ATN1: variants seen among roughly 807,000 people sequenced by gnomAD.
ATN1 encodes atrophin 1.
In ATN1, 19 loss-of-function variants were observed where a neutral mutation model predicts 85.8. The ratio of observed to expected loss-of-function variants is 0.22; its 90% CI spans 0.15 to 0.32. ATN1 has a LOEUF of 0.32. Among genes scored for constraint, ATN1 ranks in the 10% least tolerant of loss-of-function variants. The probability of loss-of-function intolerance (pLI) is 1.00; values close to 1 mark genes in which losing one functional copy is unlikely to be tolerated. For synonymous variants in ATN1, 674 were observed against 657.0 expected, an observed-to-expected ratio of 1.03 and a Z score of -0.39; for missense variants, 1,453 against 1,564.5, an observed-to-expected ratio of 0.93 and a Z score of 1.20.
Position 6,941,861 on chromosome 12 carries a change from T to A in ATN1, c.*81T>A. 1 of 1,442,240 alleles carries A rather than the reference T, an allele frequency of 6.9e-7. No homozygotes were observed. The highest frequency in any genetic ancestry group is 1.2e-5 in the South Asian group (1 of 86,920). 89.3% of individuals were successfully genotyped at this position (1,442,240 alleles called of 1,614,324 possible). A position where few individuals can be genotyped will look rare whatever the true frequency, so the allele number is the denominator to read the frequency against. ...CCCTCCCCCCACCGTGCCCTTGGCC[T>A]GCCACCCAGAGCCAAGAGGGTGCTG... is the stretch of plus-strand genomic sequence containing the variant. On this transcript the variant is annotated 3_prime_UTR_variant, in exon 10 of 10. Transcript: ENST00000396684. This position sits in a 1 kb window ranked among gnomAD's most constrained non-coding sequence, Gnocchi z 5.9.
chr12:6,925,111 CGTGTGCGT>C (rs1307513003), upstream of ATN1, among the ~76,000 whole-genome samples: 3 of 105,014 alleles, frequency 2.9e-5, no homozygotes, highest in African/African-American at 1.3e-4. Flanking sequence ...TGTGTGTGTG[CGTGTGCGT>C]GTGTGTGTGT....
In ATN1 at chr12:6,937,669, A is replaced by G; in HGVS notation, c.2294+108A>G. ...GCCTTGCGCTGGTGTAGTGTTTTAGAAAAGCACGCCCCTCTCCTCCGTCCA... is the reference window on the plus strand; with the variant it reads ...GCCTTGCGCTGGTGTAGTGTTTTAGGAAAGCACGCCCCTCTCCTCCGTCCA... On this transcript the variant is annotated intron_variant, in intron 5 of 9. Coordinates refer to ENST00000396684, the MANE Select transcript of ATN1 (RefSeq NM_001940.4). The surrounding 1 kb of genome is among the most constrained non-coding windows in gnomAD (Gnocchi z 6.0). 3 of 1,429,538 alleles carry G rather than the reference A, an allele frequency of 2.1e-6. No individual in the cohort carries two copies. Among genetic ancestry groups the G allele is most frequent in the Non-Finnish European group, 2.8e-6 (3 of 1,090,254 alleles). The allele number at this position is 1,429,538 out of a possible 1,614,324, so 88.6% of individuals were successfully genotyped here.
chr12:6,935,492 AT>A lies in ATN1; in HGVS notation c.280-54del. The stretch of plus-strand genomic sequence containing the variant: ...ATGATTTTATGCAAGAGAGCCCCAA[AT>A]CTCAGGGAAGCAGGAAAGGAAAAGA... On this transcript the variant is annotated intron_variant, in intron 4 of 9. Coordinates refer to ENST00000396684, the MANE Select transcript of ATN1 (RefSeq NM_001940.4). The surrounding 1 kb of genome is among the most constrained non-coding windows in gnomAD (Gnocchi z 5.3). 2 of 1,575,214 alleles carry A rather than the reference AT, an allele frequency of 1.3e-6. No homozygotes were observed. Among genetic ancestry groups the A allele is most frequent in the Non-Finnish European group, 8.6e-7 (1 of 1,160,776 alleles).
Position 6,935,281 on chromosome 12 carries a change from G to C in ATN1, c.280-266G>C, listed in dbSNP as rs149458033. ...AAGACAGGGAGTTGGAGTCAGCTGT[G>C]GGTAGAGACAAGGTGCTTGAGATGG... On this transcript the variant is annotated intron_variant, in intron 4 of 9. Coordinates refer to ENST00000396684, the MANE Select transcript of ATN1 (RefSeq NM_001940.4). This position sits in a 1 kb window ranked among gnomAD's most constrained non-coding sequence, Gnocchi z 5.3. Among the ~76,000 whole-genome samples, 1 of 152,242 alleles carries C rather than the reference G, an allele frequency of 6.6e-6. No homozygotes were observed. Among genetic ancestry groups the C allele is most frequent in the Non-Finnish European group, 1.5e-5 (1 of 68,016 alleles).
chr12:6,932,979 A>G (rs1555143187), intron 1 of ATN1, among the ~76,000 whole-genome samples: 1 of 152,218 alleles, frequency 6.6e-6, no homozygotes, highest in African/African-American at 2.4e-5. Flanking sequence ...TAGAAGAAAG[A>G]GCATGGGCTT....
chr12:6,927,015 A>G (rs1183896111), upstream of ATN1, among the ~76,000 whole-genome samples: 1 of 151,526 alleles, frequency 6.6e-6, no homozygotes, highest in African/African-American at 2.4e-5. Flanking sequence ...TTTCCCTAGA[A>G]TTGGCACCTG....
In ATN1 at chr12:6,934,397, T is replaced by A. The variant is rs1406077930; in HGVS notation, c.166-68T>A. ...GTGTGTTGTGGGGGAACTTCCTGTT[T>A]GGCAGAGGGTAACGGTGGAGCTCGG... On this transcript the variant is annotated intron_variant, in intron 3 of 9. Coordinates refer to ENST00000396684, the MANE Select transcript of ATN1 (RefSeq NM_001940.4). This position sits in a 1 kb window ranked among gnomAD's most constrained non-coding sequence, Gnocchi z 4.5. 30 of 1,604,720 alleles carry A rather than the reference T, an allele frequency of 1.9e-5. No individual in the cohort carries two copies. The highest frequency in any genetic ancestry group is 2.5e-5 in the Non-Finnish European group (29 of 1,174,940).
intron 1 of ATN1, among the ~76,000 whole-genome samples, chr12:6,930,316 G>A (rs1555142943): frequency 6.6e-6 from 1 of 152,198 alleles, no homozygotes; most frequent in Non-Finnish European, 1.5e-5. Flanking sequence ...GAATGATGTT[G>A]GGGGCTGGGC....
Position 6,939,318 on chromosome 12 carries a change from C to T in ATN1, c.3214+141C>T, listed in dbSNP as rs1375747255. Reference sequence around the variant, plus strand: ...CTGAGATTGCTGCCCTGAACTTTGCCTCCCTGACGTTCTCTCAGCCTTGTC... The same window carrying T: ...CTGAGATTGCTGCCCTGAACTTTGCTTCCCTGACGTTCTCTCAGCCTTGTC... On this transcript the variant is annotated intron_variant, in intron 7 of 9. Transcript: ENST00000396684. 4.8e-6 allele frequency: 6 copies of T among 1,255,682 alleles called. No homozygotes were observed. The Admixed American group carries it at 1.7e-4, about 35-fold the overall frequency. 77.8% of individuals were successfully genotyped at this position (1,255,682 alleles called of 1,614,324 possible). A position where few individuals can be genotyped will look rare whatever the true frequency, so the allele number is the denominator to read the frequency against.
Position 6,935,998 on chromosome 12 carries a change from TG to T in ATN1, c.737del (p.Gly246AlafsTer52). ...AAGGGGGGAGGGGCTGCCTCATCAGTGGGGGGCCCTAATGGGGGTAAGCAGC... is the reference window on the plus strand; with the variant it reads ...AAGGGGGGAGGGGCTGCCTCATCAGTGGGGGCCCTAATGGGGGTAAGCAGC... The part of the protein sequence containing the change: ...GPKGGGAASS[V>X]GGPNGGKQHP... On this transcript the variant is annotated frameshift_variant, in exon 5 of 10. Transcript: ENST00000396684. LOFTEE classifies it high-confidence loss of function. The surrounding 1 kb of genome is among the most constrained non-coding windows in gnomAD (Gnocchi z 5.3). The T allele has an allele frequency of 1.9e-6, 3 of 1,588,884 alleles. No homozygotes were observed. The highest frequency in any genetic ancestry group is 1.8e-5 in the Admixed American group (1 of 56,826).
At position 6,941,810 on chromosome 12, in the gene ATN1, C is replaced by T. The variant is rs1402033234; in HGVS notation, c.*30C>T. The T allele has an allele frequency of 3.1e-6, 5 of 1,612,782 alleles. No homozygotes were observed. Among genetic ancestry groups the T allele is most frequent in the Non-Finnish European group, 4.2e-6 (5 of 1,178,818 alleles). On this transcript the variant is annotated 3_prime_UTR_variant, in exon 10 of 10. Transcript: ENST00000396684. This position sits in a 1 kb window ranked among gnomAD's most constrained non-coding sequence, Gnocchi z 5.9. ...TGCGATCAAGAGAGCACCATGGCTC[C>T]TACATTGGACCTTGGAGCACCCCCA...
upstream of ATN1, among the ~76,000 whole-genome samples, chr12:6,926,505 C>T (rs1005895957): frequency 1.3e-5 from 2 of 150,360 alleles, no homozygotes; most frequent in East Asian, 2.0e-4. Context: ...GACGGCGTCT[C>T]GCTCTGTCTC....
intron 1 of ATN1, among the ~76,000 whole-genome samples, chr12:6,933,297 A>G (rs1197395829): frequency 6.6e-6 from 1 of 151,634 alleles, no homozygotes; most frequent in Non-Finnish European, 1.5e-5. Context: ...GCTCACTGCA[A>G]CCTCTGCCTC....
Position 6,941,169 on chromosome 12 carries a change from C to CTCCTA in ATN1, c.3358+147_3358+148insCCTAT. 7.9e-7 allele frequency: 1 copy of CTCCTA among 1,261,100 alleles called. No homozygotes were observed. The highest frequency in any genetic ancestry group is 1.1e-6 in the Non-Finnish European group (1 of 927,290). The allele number at this position is 1,261,100 out of a possible 1,614,324, so 78.1% of individuals were successfully genotyped here. A position where few individuals can be genotyped will look rare whatever the true frequency, so the allele number is the denominator to read the frequency against. On this transcript the variant is annotated intron_variant, in intron 8 of 9. Transcript: ENST00000396684. This position sits in a 1 kb window ranked among gnomAD's most constrained non-coding sequence, Gnocchi z 5.9. ...GCATGGGAATAGGAGAGCTGGAGCT[C>CTCCTA]TGCCCAAGAGAAGCACGAGTTTTAG... is the stretch of plus-strand genomic sequence containing the variant.
At chr12:6,938,428 C>T in intron 6 of ATN1, 53 bp from the exon 7 acceptor site, 1 of 1,542,284 alleles carries the variant, frequency 6.5e-7, no homozygotes, top group Non-Finnish European at 8.8e-7. Context: ...TTAAAACCAG[C>T]CACCTCTTTT....
chr12:6,937,878 G>A lies in ATN1; in HGVS notation c.2328G>A (p.Ser776=), dbSNP rs1310200542. Residue 776 remains serine (S), a synonymous_variant, in exon 6 of 10, where the codon TCG becomes TCA. Coordinates refer to ENST00000396684, the MANE Select transcript of ATN1 (RefSeq NM_001940.4). This position sits in a 1 kb window ranked among gnomAD's most constrained non-coding sequence, Gnocchi z 6.0. ...FNKHLDRGFN[S]CARSDLYFVP... ...AACACCTGGATCGCGGCTTCAACTC[G>A]TGCGCGCGCAGCGACCTGTACTTCG... The A allele has an allele frequency of 2.5e-6, 4 of 1,588,880 alleles. No homozygotes were observed. The highest frequency in any genetic ancestry group is 1.4e-5 in the African/African-American group (1 of 73,914).
Position 6,938,525 on chromosome 12 carries a change from G to T in ATN1, c.2562G>T (p.Leu854=). 1 of 1,613,716 alleles carries T rather than the reference G, an allele frequency of 6.2e-7. No homozygotes were observed. The highest frequency in any genetic ancestry group is 8.5e-7 in the Non-Finnish European group (1 of 1,179,642). Residue 854 remains leucine, a synonymous_variant, in exon 7 of 10, where the codon CTG becomes CTT. Coordinates refer to ENST00000396684, the MANE Select transcript of ATN1 (RefSeq NM_001940.4). ...EGRAPVECPS[L]GPVPHRPPFE... ...GTGCTCCGGTGGAATGCCCATCTCT[G>T]GGCCCAGTGCCCCATCGCCCTCCAT...
chr12:6,937,439 G>A lies in ATN1; in HGVS notation c.2172G>A (p.Thr724=). The part of the protein sequence containing the change: ...APASGPPLSA[T]QIKQEPAEEY... ...CCTCAGGGCCGCCCCTGAGCGCCAC[G>A]CAGATCAAACAGGAGCCGGCTGAGG... is the stretch of plus-strand genomic sequence containing the variant. The change falls in exon 5 of 10, where the codon ACG becomes ACA. Residue 724 remains threonine, a synonymous_variant. Transcript: ENST00000396684. The surrounding 1 kb of genome is among the most constrained non-coding windows in gnomAD (Gnocchi z 6.0). 2 of 1,547,172 alleles carry A rather than the reference G, an allele frequency of 1.3e-6. No individual in the cohort carries two copies. The highest frequency in any genetic ancestry group is 1.8e-4 in the Middle Eastern group (1 of 5,650).
Position 6,930,664 on chromosome 12 carries a change from C to T in ATN1, c.-163+2280C>T, listed in dbSNP as rs1371445748. Among the ~76,000 whole-genome samples, 4 of 152,158 alleles carry T rather than the reference C, an allele frequency of 2.6e-5. 1 individual carries two copies. The highest frequency in any genetic ancestry group is 6.8e-3 in the Middle Eastern group (2 of 294). On this transcript the variant is annotated intron_variant, in intron 1 of 9. Coordinates refer to ENST00000396684, the MANE Select transcript of ATN1 (RefSeq NM_001940.4). ...CAAAAAAATTAGCCGGGCGTGGTGG[C>T]GGGCGCCTGTAGTCCCAGCTACTCA...
Sources: allele counts gnomAD v4.1 joint callset (sites outside exome capture counted in the v4.1 genomes callset), GRCh38; gene constraint gnomAD v4.1.1; non-coding constraint Gnocchi (gnomAD v3.1); transcripts MANE v1.5; gene names NCBI Gene and HGNC (gene_info 2026-07-23, HGNC 2026-07-21).